MYBPC3: variants seen among roughly 807,000 people sequenced by gnomAD.
MYBPC3 encodes the protein myosin binding protein C3.
In MYBPC3, 108 loss-of-function variants were observed where a neutral mutation model predicts 159.3. That is an observed-to-expected ratio of 0.68 (90% CI 0.58 to 0.80). The LOEUF is 0.80. Ranked by LOEUF, MYBPC3 falls within the 30% of genes least tolerant of loss-of-function variation. MYBPC3 has a pLI of 0.00. For synonymous variants in MYBPC3, 730 were observed against 702.0 expected, an observed-to-expected ratio of 1.04 and a Z score of -0.63; for missense variants, 1,631 against 1,762.1, an observed-to-expected ratio of 0.93 and a Z score of 1.33.
rs750425291 is a variant in MYBPC3 at position 47,347,489 on chromosome 11, G to A, written c.852-10C>T. The A allele has an allele frequency of 1.3e-6, 2 of 1,595,196 alleles. No individual in the cohort carries two copies. Among genetic ancestry groups the A allele is most frequent in the African/African-American group, 1.3e-5 (1 of 74,684 alleles). On this transcript the variant is annotated splice_polypyrimidine_tract_variant and intron_variant, in intron 8 of 34. Transcript: ENST00000545968. ...GTCCTCATGGCTATCACTATGGAGA[G>A]GGACCCCCAGTGAGGCTGCAGTGAG... is the stretch of plus-strand genomic sequence containing the variant.
rs1219827665 is a variant in MYBPC3, at chr11:47,346,758, C to T, written c.909-114G>A. The T allele has an allele frequency of 3.5e-6, 4 of 1,155,110 alleles. No homozygotes were observed. In the African/African-American group the frequency reaches 6.2e-5, roughly 18 times the overall value. The allele number at this position is 1,155,110 out of a possible 1,614,324, so 71.6% of individuals were successfully genotyped here. On this transcript the variant is annotated intron_variant, in intron 10 of 34. Transcript: ENST00000545968. This position sits in a 1 kb window ranked among gnomAD's most constrained non-coding sequence, Gnocchi z 5.3. ...GCCTTTACTTCCTCCCTATTTTCCGCACTTGCACTCCCTGTGTTGTGGGGC... is the reference window on the plus strand; with the variant it reads ...GCCTTTACTTCCTCCCTATTTTCCGTACTTGCACTCCCTGTGTTGTGGGGC...
rs557513069 is a variant in MYBPC3, at chr11:47,346,169, C to A, written c.1090+38G>T. On this transcript the variant is annotated intron_variant, in intron 12 of 34. Coordinates refer to ENST00000545968, the MANE Select transcript of MYBPC3 (RefSeq NM_000256.3). This position sits in a 1 kb window ranked among gnomAD's most constrained non-coding sequence, Gnocchi z 5.3. Reference sequence around the variant, plus strand: ...CCTCTCCTGTGTAGGGAAGGGCTAGCCTGTGCCCTCTCCTCTCCCCTCTGA... The same window carrying A: ...CCTCTCCTGTGTAGGGAAGGGCTAGACTGTGCCCTCTCCTCTCCCCTCTGA... The A allele has an allele frequency of 1.9e-6, 3 of 1,611,722 alleles. No homozygotes were observed. In the East Asian group the frequency reaches 6.7e-5, roughly 36 times the overall value.
Position 47,339,701 on chromosome 11 carries a change from TAGGG to T in MYBPC3, c.2013_2016del (p.Pro672SerfsTer9), listed in dbSNP as rs2095886334. 1 of 1,613,464 alleles carries T rather than the reference TAGGG, an allele frequency of 6.2e-7. No homozygotes were observed. The highest frequency in any genetic ancestry group is 8.5e-7 in the Non-Finnish European group (1 of 1,179,672). On this transcript the variant is annotated frameshift_variant, in exon 21 of 35. Transcript: ENST00000545968. LOFTEE classifies it high-confidence loss of function. Reference sequence around the variant, plus strand: ...ACAGTGGGAGCAGGGTCCCCAGAGATAGGGACGTCCAGACGTAGCTTATTTCCAG... The same window carrying T: ...ACAGTGGGAGCAGGGTCCCCAGAGATACGTCCAGACGTAGCTTATTTCCAG...
At position 47,335,996 on chromosome 11, in the gene MYBPC3, G is replaced by T. The variant is rs371401403; in HGVS notation, c.2618C>A (p.Pro873His). ...PFMPIGPPSE[P>H]THLAVEDVSD... ...GACGTCCTCTACTGCCAGGTGGGTGGGTTCGCTGGGGGGACCTGGGCAGAG... is the reference window on the plus strand; with the variant it reads ...GACGTCCTCTACTGCCAGGTGGGTGTGTTCGCTGGGGGGACCTGGGCAGAG... Residue 873 changes from proline (P) to histidine (H), a missense_variant, in exon 26 of 35, where the codon CCC becomes CAC. Physicochemically the swap from Pro to His is moderately conservative, Grantham distance 77. Coordinates refer to ENST00000545968, the MANE Select transcript of MYBPC3 (RefSeq NM_000256.3). 90 of 1,528,202 alleles carry T rather than the reference G, an allele frequency of 5.9e-5. 1 individual carries two copies. The highest frequency in any genetic ancestry group is 7.5e-5 in the Non-Finnish European group (85 of 1,136,428). 94.7% of individuals were successfully genotyped at this position (1,528,202 alleles called of 1,614,324 possible).
At chr11:47,333,373 A>G in intron 29 of MYBPC3, 40 bp from the exon 30 acceptor site, 1 of 1,524,966 alleles carries the variant, frequency 6.6e-7, no homozygotes. Context: ...ACGCCTCCTG[A>G]CAGTGAGCAG....
intron 5 of MYBPC3, 149 bp from the exon 6 acceptor site, chr11:47,348,690 G>A: frequency 3.5e-6 from 2 of 563,608 alleles, no homozygotes; most frequent in Non-Finnish European, 6.1e-6. Context: ...GATCACATAA[G>A]ACCAGGAGCT....
At chr11:47,348,908 T>TTATATATATACATATA (rs2095897356) in intron 5 of MYBPC3, among the ~76,000 whole-genome samples, 2 of 39,884 alleles carry the variant, frequency 5.0e-5, no homozygotes, top group Non-Finnish European at 1.1e-4. Flanking sequence ...CTGTCTCAAA[T>TTATATATATACATATA]TATATATATA....
At chr11:47,348,375 A>G in intron 6 of MYBPC3, 49 bp downstream of exon 6, 1 of 1,381,500 alleles carries the variant, frequency 7.2e-7, no homozygotes, top group Non-Finnish European at 1.0e-6. Flanking sequence ...GTAGGAGACC[A>G]GGACCCATGG....
intron 2 of MYBPC3, 45 bp from the exon 3 acceptor site, chr11:47,350,660 G>C (rs1347604977): frequency 1.4e-6 from 2 of 1,430,046 alleles, no homozygotes; most frequent in Non-Finnish European, 9.1e-7. Context: ...ACTAACCAGA[G>C]ACCCCTCCAC....
At chr11:47,339,224 G>A in intron 22 of MYBPC3, 100 bp downstream of exon 22, 1 of 1,304,374 alleles carries the variant, frequency 7.7e-7, no homozygotes, top group East Asian at 2.3e-5. Flanking sequence ...ACCCGGCCAA[G>A]TGTGGCACCT....
At chr11:47,341,650 G>A (rs1402562106) in intron 18 of MYBPC3, among the ~76,000 whole-genome samples, 1 of 152,204 alleles carries the variant, frequency 6.6e-6, no homozygotes, top group African/African-American at 2.4e-5. Flanking sequence ...AGCTGGGGGA[G>A]GGTGCTGGGG....
chr11:47,350,236 G>C, intron 3 of MYBPC3, 124 bp from the exon 4 acceptor site: 1 of 1,237,812 alleles, frequency 8.1e-7, no homozygotes, highest in Non-Finnish European at 1.1e-6. Context: ...CCATTCTCCT[G>C]CCTCAGCCTC....
chr11:47,350,415 C>A, intron 3 of MYBPC3, 87 bp downstream of exon 3: 1 of 1,517,782 alleles, frequency 6.6e-7, no homozygotes, highest in Non-Finnish European at 8.8e-7. Flanking sequence ...CCTGAGCCAC[C>A]GCACCTGGCC....
chr11:47,348,960 G>A (rs1178503494), intron 5 of MYBPC3, among the ~76,000 whole-genome samples: 3 of 109,906 alleles, frequency 2.7e-5, no homozygotes, highest in African/African-American at 6.3e-5. Context: ...AATGCTCATC[G>A]ATCTTCGCAC....
rs1565626319 is a variant in MYBPC3 at position 47,339,582 on chromosome 11, G to A, written c.2067+69C>T. On this transcript the variant is annotated intron_variant, in intron 21 of 34. Coordinates refer to ENST00000545968, the MANE Select transcript of MYBPC3 (RefSeq NM_000256.3). ...CACATGTGGGTGGGGTGTGCAGCAG[G>A]TCCTAGCACTTGGCTGGTTCCACAC... The A allele has an allele frequency of 2.4e-5, 36 of 1,508,232 alleles. No homozygotes were observed. The South Asian group carries it at 4.6e-4, about 19-fold the overall frequency. 93.4% of individuals were successfully genotyped at this position (1,508,232 alleles called of 1,614,324 possible).
chr11:47,331,843 A>G lies in MYBPC3; in HGVS notation c.*26+2T>C, dbSNP rs1416420771. Reference sequence around the variant, plus strand: ...GTGCCCTGGGTGTCGGGTGGTACATACCTGGCCATCCCCAGGAGCCAGCCT... The same window carrying G: ...GTGCCCTGGGTGTCGGGTGGTACATGCCTGGCCATCCCCAGGAGCCAGCCT... On this transcript the variant is annotated splice_donor_variant, in intron 34 of 34. Transcript: ENST00000545968. LOFTEE classifies it low-confidence loss of function (3UTR_SPLICE). The G allele has an allele frequency of 1.9e-6, 3 of 1,605,218 alleles. No individual in the cohort carries two copies. Among genetic ancestry groups the G allele is most frequent in the Non-Finnish European group, 2.6e-6 (3 of 1,176,388 alleles).
At position 47,332,557 on chromosome 11, in the gene MYBPC3, G is replaced by A. The variant is rs2142849853; in HGVS notation, c.3627+9C>T. ...TGGTCGGCCTGGACCAGCGCCTAAA[G>A]TTCCCTACCTTGGGGCTACCCCGGA... is the stretch of plus-strand genomic sequence containing the variant. On this transcript the variant is annotated intron_variant, in intron 32 of 34. Transcript: ENST00000545968. The surrounding 1 kb of genome is among the most constrained non-coding windows in gnomAD (Gnocchi z 4.2). 1.2e-6 allele frequency: 2 copies of A among 1,603,070 alleles called. No homozygotes were observed. Among genetic ancestry groups the A allele is most frequent in the East Asian group, 4.5e-5 (2 of 44,606 alleles).
In MYBPC3 at chr11:47,349,888, G is replaced by A. The variant is rs371842442; in HGVS notation, c.540C>T (p.Gly180=). The A allele has an allele frequency of 3.4e-5, 54 of 1,610,370 alleles. No homozygotes were observed. Among genetic ancestry groups the A allele is most frequent in the Admixed American group, 1.8e-4 (11 of 59,542 alleles). ...GSITFSARVA[G]ASLLKPPVVK... is the part of the protein sequence containing the mutation. ...CCACAGGCGGCTTCAGGAGGCTGGC[G>A]CCGGCCACGCGGGCTGAGAAGGTGA... Residue 180 remains glycine (G), a synonymous_variant, in exon 5 of 35, where the codon GGC becomes GGT. Transcript: ENST00000545968.
rs535853707 is a variant in MYBPC3 at position 47,341,208 on chromosome 11, G to A, written c.1827C>T (p.Ala609=). The A allele has an allele frequency of 1.4e-5, 22 of 1,598,748 alleles. No homozygotes were observed. The highest frequency in any genetic ancestry group is 6.8e-5 in the East Asian group (3 of 44,046). Residue 609 remains alanine, a synonymous_variant, in exon 19 of 35, where the codon GCC becomes GCT. Coordinates refer to ENST00000545968, the MANE Select transcript of MYBPC3 (RefSeq NM_000256.3). ...HKLTIDDVTP[A]DEADYSFVPE... ...GCACAAAGCTGTAGTCAGCCTCGTC[G>A]GCAGGTGTGACGTCGTCAATGGTCA...
Sources: allele counts gnomAD v4.1 joint callset (sites outside exome capture counted in the v4.1 genomes callset), GRCh38; gene constraint gnomAD v4.1.1; non-coding constraint Gnocchi (gnomAD v3.1); transcripts MANE v1.5; gene names NCBI Gene and HGNC (gene_info 2026-07-23, HGNC 2026-07-21).